AGFG2: variants seen among roughly 807,000 people sequenced by gnomAD.
AGFG2 encodes ArfGAP with FG repeats 2, also known as arf-GAP domain and FG repeat-containing protein 2.
In AGFG2, 31 loss-of-function variants were observed where a neutral mutation model predicts 48.0. The observed-to-expected ratio is 0.65, with a 90% CI of 0.49 to 0.87. The LOEUF is 0.87. AGFG2 is among the 40% of genes least tolerant of loss of function. AGFG2 has a pLI of 0.00. For synonymous variants in AGFG2, 229 were observed against 260.8 expected, an observed-to-expected ratio of 0.88 and a Z score of 1.18; for missense variants, 599 against 632.6, an observed-to-expected ratio of 0.95 and a Z score of 0.57.
chr7:100,553,984 C>A, intron 4 of AGFG2, 109 bp from the exon 5 acceptor site: 2 of 1,327,090 alleles, frequency 1.5e-6, no homozygotes, highest in Non-Finnish European at 2.0e-6. Flanking sequence ...GGCAGTTACT[C>A]ACTGTCTTCT....
Position 100,554,271 on chromosome 7 carries a change from T to G in AGFG2, c.751+13T>G, listed in dbSNP as rs1231458696. Reference sequence around the variant, plus strand: ...CCTGCCTTTGGGGGTAAGTGGGTTTTGGGATGGGACCCTCCCTACAGCGTA... The same window carrying G: ...CCTGCCTTTGGGGGTAAGTGGGTTTGGGGATGGGACCCTCCCTACAGCGTA... On this transcript the variant is annotated intron_variant, in intron 5 of 11. Transcript: ENST00000300176. 6.8e-6 allele frequency: 11 copies of G among 1,608,122 alleles called. No individual in the cohort carries two copies. Among genetic ancestry groups the G allele is most frequent in the Admixed American group, 1.7e-5 (1 of 59,422 alleles).
chr7:100,564,839 C>T, intron 11 of AGFG2, 93 bp from the exon 12 acceptor site: 14 of 1,412,406 alleles, frequency 9.9e-6, no homozygotes, highest in African/African-American at 1.4e-5. Context: ...CTCAGCATAG[C>T]GATTTTTCAG....
rs1562792678 is a variant in AGFG2, at chr7:100,552,872, A to ACACCAT, written c.432-475_432-474insCACCAT. Among the ~76,000 whole-genome samples, 27 of 152,330 alleles carry ACACCAT rather than the reference A, an allele frequency of 1.8e-4. No individual in the cohort carries two copies. In the East Asian group the frequency reaches 5.2e-3, roughly 29 times the overall value. On this transcript the variant is annotated intron_variant, in intron 3 of 11. Coordinates refer to ENST00000300176, the MANE Select transcript of AGFG2 (RefSeq NM_006076.5). ...GAAATAAAAGAGGGGGACCTTTGCC[A>ACACCAT]GGTGTGGTGGCTCATGCCTGTAATC...
intron 11 of AGFG2, 53 bp downstream of exon 11, chr7:100,564,356 G>T (rs1800960242): frequency 2.6e-6 from 4 of 1,550,278 alleles, no homozygotes; most frequent in Non-Finnish European, 3.5e-6. Flanking sequence ...TTCCCTCTGG[G>T]ACAATCCTTC....
rs1584394660 is a variant in AGFG2 at position 100,566,105 on chromosome 7, T to A, written c.*1114T>A. On this transcript the variant is annotated 3_prime_UTR_variant, in exon 12 of 12. Transcript: ENST00000300176. ...GCTGGACTGCCTGGGCCAGTGATAA[T>A]GCTGCCATTGGCCAGAGACAGGGCA... 6.6e-6 allele frequency: 1 copy of A among 152,402 alleles called. No homozygotes were observed. Among genetic ancestry groups the A allele is most frequent in the Non-Finnish European group, 1.5e-5 (1 of 68,048 alleles). 9.4% of individuals were successfully genotyped at this position (152,402 alleles called of 1,614,324 possible). A position where few individuals can be genotyped will look rare whatever the true frequency, so the allele number is the denominator to read the frequency against.
In AGFG2 at chr7:100,565,108, A is replaced by T; in HGVS notation, c.*117A>T. ...GGCCTTGGGGATGGTGGAGGTGCTA[A>T]TGCTTTGCTTGGGGCCTACAGGTGA... On this transcript the variant is annotated 3_prime_UTR_variant, in exon 12 of 12. Transcript: ENST00000300176. The T allele has an allele frequency of 8.2e-7, 1 of 1,223,156 alleles. No homozygotes were observed. The highest frequency in any genetic ancestry group is 1.2e-6 in the Non-Finnish European group (1 of 830,842). The allele number at this position is 1,223,156 out of a possible 1,614,324, so 75.8% of individuals were successfully genotyped here.
intron 3 of AGFG2, among the ~76,000 whole-genome samples, chr7:100,552,530 C>A (rs1800667347): frequency 6.6e-6 from 1 of 152,246 alleles, no homozygotes; most frequent in Non-Finnish European, 1.5e-5. Flanking sequence ...TTCTCCCTTA[C>A]CTTTCCTCTC....
At position 100,566,382 on chromosome 7, in the gene AGFG2, A is replaced by C. The variant is rs1450960791; in HGVS notation, c.*1391A>C. 1 of 152,172 alleles carries C rather than the reference A, an allele frequency of 6.6e-6. No homozygotes were observed. Among genetic ancestry groups the C allele is most frequent in the East Asian group, 1.9e-4 (1 of 5,178 alleles). The allele number at this position is 152,172 out of a possible 1,614,324, so 9.4% of individuals were successfully genotyped here. ...AACATCCAGCTGTGGTGTCTGGGCT[A>C]TTTGTGTGGTGACAAGACAGACCTG... On this transcript the variant is annotated 3_prime_UTR_variant, in exon 12 of 12. Transcript: ENST00000300176.
In AGFG2 at chr7:100,562,730, G is replaced by T; in HGVS notation, c.1087+48G>T. ...CAGGGGAGGGGACCTGAGGCCAGGAGGAGTCTAAGGACTCTGGACAGGGTG... is the reference window on the plus strand; with the variant it reads ...CAGGGGAGGGGACCTGAGGCCAGGATGAGTCTAAGGACTCTGGACAGGGTG... On this transcript the variant is annotated intron_variant, in intron 8 of 11. Coordinates refer to ENST00000300176, the MANE Select transcript of AGFG2 (RefSeq NM_006076.5). The surrounding 1 kb of genome is among the most constrained non-coding windows in gnomAD (Gnocchi z 5.4). 1 of 1,592,712 alleles carries T rather than the reference G, an allele frequency of 6.3e-7. No individual in the cohort carries two copies. Among genetic ancestry groups the T allele is most frequent in the Non-Finnish European group, 8.5e-7 (1 of 1,170,338 alleles).
chr7:100,555,925 G>C, intron 6 of AGFG2, 190 bp downstream of exon 6: 1 of 693,152 alleles, frequency 1.4e-6, no homozygotes, highest in Non-Finnish European at 2.2e-6. Context: ...CTACTGTTCT[G>C]CTTTTTCATG....
chr7:100,551,291 G>A (rs1229765765), intron 3 of AGFG2, among the ~76,000 whole-genome samples: 1 of 150,710 alleles, frequency 6.6e-6, no homozygotes, highest in African/African-American at 2.4e-5. Flanking sequence ...GGATGGTCTC[G>A]ATCTCCTGAC....
Position 100,546,343 on chromosome 7 carries a change from T to C in AGFG2, c.222-2479T>C, listed in dbSNP as rs559736125. On this transcript the variant is annotated intron_variant, in intron 1 of 11. Coordinates refer to ENST00000300176, the MANE Select transcript of AGFG2 (RefSeq NM_006076.5). Reference sequence around the variant, plus strand: ...AGTTCCTGGTTATCCATTCAGGAAATGTCAATGACCTTTTTGTGATAGGCT... The same window carrying C: ...AGTTCCTGGTTATCCATTCAGGAAACGTCAATGACCTTTTTGTGATAGGCT... Among the ~76,000 whole-genome samples, 105 of 152,336 alleles carry C rather than the reference T, an allele frequency of 6.9e-4. No individual in the cohort carries two copies. In the Middle Eastern group the frequency reaches 0.02, roughly 30 times the overall value.
intron 6 of AGFG2, among the ~76,000 whole-genome samples, chr7:100,560,708 C>T (rs1316198709): frequency 3.3e-5 from 5 of 152,052 alleles, no homozygotes; most frequent in East Asian, 1.9e-4. Context: ...AGCAGGTAGG[C>T]ACTGGGCACT....
At chr7:100,551,675 G>A (rs915470221) in intron 3 of AGFG2, among the ~76,000 whole-genome samples, 11 of 150,582 alleles carry the variant, frequency 7.3e-5, no homozygotes, top group Non-Finnish European at 1.0e-4. Context: ...CTTGAGGTCA[G>A]GAGTTCGAGA....
intron 9 of AGFG2, 152 bp from the exon 10 acceptor site, chr7:100,563,682 G>A: frequency 8.5e-7 from 1 of 1,176,990 alleles, no homozygotes; most frequent in East Asian, 2.5e-5. Context: ...TTGGTGGTGT[G>A]AGAAGCAGAA....
rs1800692418 is a variant in AGFG2, at chr7:100,553,499, A to G, written c.584A>G (p.Gln195Arg). ...SLSVAASTSS[Q>R]PVSQSHARTS... is the part of the protein sequence containing the mutation. Reference sequence around the variant, plus strand: ...TCAGTTGCTGCCTCCACCTCGAGCCAGGTAACTCTCAGATCTGCTCGTCAT... The same window carrying G: ...TCAGTTGCTGCCTCCACCTCGAGCCGGGTAACTCTCAGATCTGCTCGTCAT... Residue 195 changes from glutamine (Q) to arginine (R), a missense_variant and splice_region_variant, in exon 4 of 12, where the codon CAG becomes CGG. Physicochemically the swap from Gln to Arg is conservative, Grantham distance 43 (BLOSUM62 1). Transcript: ENST00000300176. The G allele has an allele frequency of 6.3e-7, 1 of 1,595,260 alleles. No homozygotes were observed. Among genetic ancestry groups the G allele is most frequent in the Admixed American group, 1.7e-5 (1 of 57,990 alleles).
intron 6 of AGFG2, among the ~76,000 whole-genome samples, chr7:100,559,740 C>T (rs1273660493): frequency 1.3e-5 from 2 of 151,720 alleles, no homozygotes; most frequent in African/African-American, 4.9e-5. Flanking sequence ...ATCAGCTGAG[C>T]CCTGAAGGTC....
rs1800897375 is a variant in AGFG2, at chr7:100,562,470, C to A, written c.998+91C>A. The A allele has an allele frequency of 6.3e-7, 1 of 1,598,098 alleles. No homozygotes were observed. On this transcript the variant is annotated intron_variant, in intron 7 of 11. Coordinates refer to ENST00000300176, the MANE Select transcript of AGFG2 (RefSeq NM_006076.5). The surrounding 1 kb of genome is among the most constrained non-coding windows in gnomAD (Gnocchi z 5.4). ...TCCCAGCCCCATCGGCATCTCCTGG[C>A]AGTTCTCCCCTCCCCTCCTCTCCCT...
chr7:100,549,004 T>C, intron 2 of AGFG2, 89 bp downstream of exon 2: 6 of 1,095,670 alleles, frequency 5.5e-6, no homozygotes, highest in Non-Finnish European at 8.2e-6. Flanking sequence ...TACGGTTTTA[T>C]TTTTGGTTGA....
Sources: allele counts gnomAD v4.1 joint callset (sites outside exome capture counted in the v4.1 genomes callset), GRCh38; gene constraint gnomAD v4.1.1; non-coding constraint Gnocchi (gnomAD v3.1); transcripts MANE v1.5; gene names NCBI Gene and HGNC (gene_info 2026-07-23, HGNC 2026-07-21).